The following ARHGEF12 variants were observed in gnomAD, a reference collection of about 807,000 sequenced individuals.
The protein encoded by ARHGEF12 is Rho guanine nucleotide exchange factor 12, also known as KMT2A/ARHGEF12 fusion protein.
Under a neutral mutation model 211.2 loss-of-function variants are expected in ARHGEF12, and 66 were observed. The observed-to-expected ratio is 0.31, with a 90% confidence interval of 0.26 to 0.38. ARHGEF12 has a LOEUF of 0.38. Among genes scored for constraint, ARHGEF12 ranks in the 10% least tolerant of loss-of-function variants. The pLI is 1.00. For synonymous variants in ARHGEF12, 592 were observed against 638.4 expected (o/e 0.93, Z 1.09); for missense variants, 1,429 against 1,869.5 (o/e 0.76, Z 4.34).
At chr11:120,451,803 A>G in intron 22 of ARHGEF12, 79 bp downstream of exon 22, 1 of 1,310,178 alleles carries the variant, frequency 7.6e-7, no homozygotes, top group East Asian at 2.5e-5. Flanking sequence ...TAGAGTGGCA[A>G]GTTAATCAAG....
rs1565493883 is a variant in ARHGEF12 at position 120,453,450 on chromosome 11, T to A, written c.2056+1726T>A. 3.3e-5 allele frequency among the ~76,000 whole-genome samples: 5 copies of A among 152,274 alleles called. No individual in the cohort carries two copies. The East Asian group carries it at 9.7e-4, about 29-fold the overall frequency. On this transcript the variant is annotated intron_variant, in intron 22 of 40. Transcript: ENST00000397843. ...AAGAGTGTAAAGAAGCCAGGCATGGTGGCTTACTCCTGTAATCCCAGAACT... is the reference window on the plus strand; with the variant it reads ...AAGAGTGTAAAGAAGCCAGGCATGGAGGCTTACTCCTGTAATCCCAGAACT...
chr11:120,476,832 T>G (rs1230767072), intron 34 of ARHGEF12, 84 bp downstream of exon 34: 42 of 1,137,740 alleles, frequency 3.7e-5, no homozygotes, highest in Non-Finnish European at 5.3e-5. Flanking sequence ...ACTTTGTTTT[T>G]ATAATGTATG....
rs1424894675 is a variant in ARHGEF12 at position 120,474,652 on chromosome 11, CTT to C, written c.3109+20_3109+21del. 1 of 1,591,464 alleles carries C rather than the reference CTT, an allele frequency of 6.3e-7. No homozygotes were observed. ...AAACTATTGGTAGGTCTGATATTGT[CTT>C]TTAGTTTTGGGGAGAGTGGCAAAAG... On this transcript the variant is annotated intron_variant, in intron 32 of 40. Coordinates refer to ENST00000397843, the MANE Select transcript of ARHGEF12 (RefSeq NM_015313.3).
At chr11:120,407,646 G>C in intron 2 of ARHGEF12, 92 bp from the exon 3 acceptor site, 1 of 919,670 alleles carries the variant, frequency 1.1e-6, no homozygotes, top group Non-Finnish European at 1.7e-6. Context: ...TGATTTCCTG[G>C]TTTTTCTTGT....
chr11:120,390,563 A>G (rs1944180406), intron 1 of ARHGEF12, among the ~76,000 whole-genome samples: 2 of 152,222 alleles, frequency 1.3e-5, no homozygotes, highest in African/African-American at 4.8e-5. Flanking sequence ...CAGATTGTGT[A>G]GGATTGGGAG....
At chr11:120,441,310 A>G (rs1232955106) in intron 13 of ARHGEF12, among the ~76,000 whole-genome samples, 1 of 152,190 alleles carries the variant, frequency 6.6e-6, no homozygotes, top group Non-Finnish European at 1.5e-5. Context: ...TTAAAATCAT[A>G]CAACTTCATT....
At chr11:120,346,386 G>T (rs1204086253) in intron 1 of ARHGEF12, among the ~76,000 whole-genome samples, 1 of 152,238 alleles carries the variant, frequency 6.6e-6, no homozygotes, top group Admixed American at 6.5e-5. Context: ...CATTATTGTG[G>T]ATGAGGGAGA....
chr11:120,393,249 T>C (rs1227072551), intron 1 of ARHGEF12, among the ~76,000 whole-genome samples: 3 of 126,536 alleles, frequency 2.4e-5, no homozygotes, highest in Non-Finnish European at 1.7e-5. Context: ...TAAAAATCAG[T>C]TGATTAAAAT....
chr11:120,390,561 G>A lies in ARHGEF12; in HGVS notation c.33-15557G>A, dbSNP rs1016154855. On this transcript the variant is annotated intron_variant, in intron 1 of 40. Coordinates refer to ENST00000397843, the MANE Select transcript of ARHGEF12 (RefSeq NM_015313.3). The stretch of plus-strand genomic sequence containing the variant: ...TCTGGGATTAGGAGATACAGATTGT[G>A]TAGGATTGGGAGTTCTTTCTATTGG... Among the ~76,000 whole-genome samples, 3 of 152,182 alleles carry A rather than the reference G, an allele frequency of 2.0e-5. No individual in the cohort carries two copies. The South Asian group carries it at 6.2e-4, about 31-fold the overall frequency.
intron 40 of ARHGEF12, 76 bp downstream of exon 40, chr11:120,484,583 G>A: frequency 7.8e-7 from 1 of 1,281,678 alleles, no homozygotes; most frequent in East Asian, 2.4e-5. Context: ...ATACTTTGAA[G>A]TGAAAACCTT....
intron 3 of ARHGEF12, 44 bp downstream of exon 3, chr11:120,407,867 A>G: frequency 6.5e-7 from 1 of 1,542,206 alleles, no homozygotes; most frequent in Non-Finnish European, 9.0e-7. Context: ...AGAGTAGTGA[A>G]GTTCAGAATA....
At chr11:120,373,552 AGGAAATGTATTTCTAACTT>A (rs1943645157) in intron 1 of ARHGEF12, among the ~76,000 whole-genome samples, 1 of 152,228 alleles carries the variant, frequency 6.6e-6, no homozygotes. Context: ...ACATCTAGTT[AGGAAATGTATTTCTAACTT>A]GGAAATGTAT....
intron 4 of ARHGEF12, among the ~76,000 whole-genome samples, chr11:120,417,326 G>C (rs1945060801): frequency 6.6e-6 from 1 of 152,194 alleles, no homozygotes; most frequent in Admixed American, 6.5e-5. Context: ...GGAGAATGGA[G>C]AAGCACGAAT....
chr11:120,460,580 T>C, intron 26 of ARHGEF12, 92 bp from the exon 27 acceptor site: 1 of 1,038,810 alleles, frequency 9.6e-7, no homozygotes, highest in Non-Finnish European at 1.4e-6. Flanking sequence ...AAAATCGTCT[T>C]TATAAAAAAA....
chr11:120,358,564 A>G (rs1320056868), intron 1 of ARHGEF12, among the ~76,000 whole-genome samples: 3 of 152,200 alleles, frequency 2.0e-5, no homozygotes, highest in Admixed American at 2.0e-4. Flanking sequence ...TCCCAAAACA[A>G]TAAACTTGCA....
chr11:120,387,248 G>T (rs369773335), intron 1 of ARHGEF12, among the ~76,000 whole-genome samples: 75 of 151,860 alleles, frequency 4.9e-4, no homozygotes, highest in African/African-American at 1.4e-3. Flanking sequence ...TGTGTGGTGG[G>T]GGGGGAGGGT....
At chr11:120,385,202 G>A (rs934959335) in intron 1 of ARHGEF12, 2 of 587,618 alleles carry the variant, frequency 3.4e-6, no homozygotes, top group African/African-American at 4.1e-5. Context: ...AAATGTATAT[G>A]GATGCTGTTC....
chr11:120,382,784 G>A (rs1189915614), intron 1 of ARHGEF12, among the ~76,000 whole-genome samples: 2 of 152,124 alleles, frequency 1.3e-5, no homozygotes, highest in Non-Finnish European at 2.9e-5. Context: ...TAAGAAAATT[G>A]TAAATTTCTT....
rs146098118 is a variant in ARHGEF12, at chr11:120,363,310, G to T, written c.32+26035G>T. Among the ~76,000 whole-genome samples the T allele has an allele frequency of 2.3e-3, 355 of 152,340 alleles. 5 individuals carry two copies. The highest frequency in any genetic ancestry group is 0.02 in the Admixed American group (305 of 15,306). ...AGTTGGCACTGCGTGGATAAAGGAGGTTTAAAGAAAAGGAAACATGAAATG... is the reference window on the plus strand; with the variant it reads ...AGTTGGCACTGCGTGGATAAAGGAGTTTTAAAGAAAAGGAAACATGAAATG... On this transcript the variant is annotated intron_variant, in intron 1 of 40. Coordinates refer to ENST00000397843, the MANE Select transcript of ARHGEF12 (RefSeq NM_015313.3).
Sources: allele counts gnomAD v4.1 joint callset (sites outside exome capture counted in the v4.1 genomes callset), GRCh38; gene constraint gnomAD v4.1.1; transcripts MANE v1.5; gene names NCBI Gene and HGNC (gene_info 2026-07-23, HGNC 2026-07-21).